ZC3H12B: variants seen among roughly 807,000 people sequenced by gnomAD.
ZC3H12B encodes zinc finger CCCH-type containing 12B, also known as probable ribonuclease ZC3H12B.
In ZC3H12B, 7 loss-of-function variants were observed where a neutral mutation model predicts 43.9. That is an observed-to-expected ratio of 0.16 (90% CI 0.09 to 0.30). ZC3H12B has a LOEUF of 0.30. ZC3H12B is among the 10% of genes least tolerant of loss of function. The pLI is 1.00. For synonymous variants in ZC3H12B, 222 were observed against 241.7 expected (o/e 0.92, Z 0.76); for missense variants, 475 against 670.2 (o/e 0.71, Z 3.22).
chrX:65,403,228 GAAGA>G (rs1421569221), intron 3 of ZC3H12B, among the ~76,000 whole-genome samples: 1 of 112,055 alleles, frequency 8.9e-6, no homozygotes, highest in Non-Finnish European at 1.9e-5. Flanking sequence ...AATTGATCAA[GAAGA>G]AAGAGTGAGC....
the ZC3H12B span, among the ~76,000 whole-genome samples, chrX:65,335,839 A>G: frequency 3.4e-3 from 387 of 112,356 alleles, 4 homozygotes; most frequent in African/African-American, 0.012. Context: ...CCTGGATGGC[A>G]GAGACCAAGG....
the ZC3H12B span, among the ~76,000 whole-genome samples, chrX:65,244,036 A>G: frequency 9.0e-6 from 1 of 111,561 alleles, no homozygotes; most frequent in Non-Finnish European, 1.9e-5. Flanking sequence ...GTTAGAGGGT[A>G]AAAGACCTAG....
chrX:65,357,718 G>T, the ZC3H12B span, among the ~76,000 whole-genome samples: 2 of 111,675 alleles, frequency 1.8e-5, no homozygotes, highest in Non-Finnish European at 3.8e-5. Flanking sequence ...GGAAAAATTG[G>T]TACCAGTCAC....
intron 2 of ZC3H12B, among the ~76,000 whole-genome samples, chrX:65,387,241 G>A (rs1169030094): frequency 9.0e-6 from 1 of 111,588 alleles, no homozygotes; most frequent in Non-Finnish European, 1.9e-5. Context: ...TGACAGTGGG[G>A]TGTTAAAGTC....
the ZC3H12B span, among the ~76,000 whole-genome samples, chrX:65,234,357 C>T: frequency 2.6e-4 from 29 of 111,819 alleles, no homozygotes; most frequent in African/African-American, 9.1e-4. Flanking sequence ...AAGGAACATA[C>T]CACCATATGA....
chrX:65,159,618 A>C, the ZC3H12B span, among the ~76,000 whole-genome samples: 21 of 112,166 alleles, frequency 1.9e-4, no homozygotes, highest in South Asian at 1.5e-3. Flanking sequence ...ATTTTGTATC[A>C]TGAGACTTTG....
At chrX:65,272,884 A>G in the ZC3H12B span, 1 of 112,382 alleles carries the variant, frequency 8.9e-6, no homozygotes, top group East Asian at 2.8e-4. Context: ...TACTGTAGGC[A>G]TTACTGTCCA....
intron 3 of ZC3H12B, among the ~76,000 whole-genome samples, chrX:65,427,675 G>A (rs977385178): frequency 1.8e-5 from 2 of 111,475 alleles, no homozygotes; most frequent in African/African-American, 6.5e-5. Flanking sequence ...TATGAGATTG[G>A]TCTCTTGAAG....
upstream of ZC3H12B, among the ~76,000 whole-genome samples, chrX:65,365,898 A>G (rs1255066073): frequency 9.1e-6 from 1 of 109,690 alleles, no homozygotes; most frequent in African/African-American, 3.3e-5. Context: ...CCCCACTGCG[A>G]TCTCCCTTCA....
the ZC3H12B span, among the ~76,000 whole-genome samples, chrX:65,206,139 T>C: frequency 8.9e-6 from 1 of 111,876 alleles, no homozygotes; most frequent in African/African-American, 3.2e-5. Flanking sequence ...ACCATTATTC[T>C]TCACACAGCT....
chrX:65,155,383 C>T, the ZC3H12B span, among the ~76,000 whole-genome samples: 11 of 111,142 alleles, frequency 9.9e-5, no homozygotes, highest in Non-Finnish European at 2.1e-4. Context: ...AATACATTAC[C>T]AGATTTTTCA....
At chrX:65,269,706 C>T in the ZC3H12B span, among the ~76,000 whole-genome samples, 1 of 109,130 alleles carries the variant, frequency 9.2e-6, no homozygotes, top group Non-Finnish European at 1.9e-5. Context: ...TGCTATGTTG[C>T]CCAGGCTGGT....
chrX:65,161,331 C>G, the ZC3H12B span, among the ~76,000 whole-genome samples: 2 of 111,278 alleles, frequency 1.8e-5, no homozygotes, highest in African/African-American at 6.5e-5. Context: ...AACTTTCTGT[C>G]TCGTTGATCT....
intron 3 of ZC3H12B, among the ~76,000 whole-genome samples, chrX:65,478,484 C>T (rs758085139): frequency 8.9e-6 from 1 of 112,634 alleles, no homozygotes; most frequent in African/African-American, 3.2e-5. Context: ...ATTCTCTCCT[C>T]TTCCTAAGGT....
chrX:65,039,292 G>A, the ZC3H12B span, among the ~76,000 whole-genome samples: 2 of 111,650 alleles, frequency 1.8e-5, no homozygotes, highest in South Asian at 7.4e-4. Flanking sequence ...GCACCACTGG[G>A]ATTTGACAGG....
At chrX:65,160,282 G>C in the ZC3H12B span, among the ~76,000 whole-genome samples, 1 of 111,931 alleles carries the variant, frequency 8.9e-6, no homozygotes, top group Non-Finnish European at 1.9e-5. Flanking sequence ...CTCATAAAAT[G>C]AGTTAGGGAG....
At chrX:65,203,817 C>T in the ZC3H12B span, among the ~76,000 whole-genome samples, 1 of 111,642 alleles carries the variant, frequency 9.0e-6, no homozygotes, top group South Asian at 3.8e-4. Flanking sequence ...CCAGGAATTC[C>T]AGTCCTTATG....
upstream of ZC3H12B, among the ~76,000 whole-genome samples, chrX:65,484,675 G>A (rs1434546897): frequency 8.9e-6 from 1 of 112,397 alleles, no homozygotes; most frequent in Admixed American, 9.5e-5. Flanking sequence ...TTACTATTTT[G>A]TTCTTGACTT....
intron 3 of ZC3H12B, among the ~76,000 whole-genome samples, chrX:65,443,438 G>A (rs1415159530): frequency 9.0e-6 from 1 of 111,463 alleles, no homozygotes; most frequent in African/African-American, 3.3e-5. Context: ...AAATATAGAG[G>A]TGTGAAGTGG....
Sources: gnomAD v4.1 joint callset for allele counts (sites outside exome capture counted in the v4.1 genomes callset) on GRCh38, gnomAD v4.1.1 for gene constraint, MANE v1.5 for transcripts, NCBI Gene and HGNC (gene_info 2026-07-23, HGNC 2026-07-21) for gene names.